QPRT: variants seen among roughly 807,000 people sequenced by gnomAD.
QPRT encodes quinolinate phosphoribosyltransferase.
In QPRT, 17 loss-of-function variants were observed where a neutral mutation model predicts 19.8. The observed-to-expected ratio is 0.86, with a 90% CI of 0.59 to 1.29. The LOEUF (loss-of-function observed/expected upper bound fraction) is 1.29. Among genes scored for constraint, QPRT ranks in the 50% most tolerant of loss-of-function variants. The pLI, the probability that QPRT is intolerant of heterozygous loss-of-function variation, is 0.00. For synonymous variants in QPRT, 178 were observed against 191.0 expected, an observed-to-expected ratio of 0.93 and a Z score of 0.56; for missense variants, 336 against 405.1, an observed-to-expected ratio of 0.83 and a Z score of 1.46.
At chr16:29,681,332 C>G (rs1418671586) in intron 1 of QPRT, among the ~76,000 whole-genome samples, 4 of 151,940 alleles carry the variant, frequency 2.6e-5, no homozygotes, top group East Asian at 3.9e-4. Flanking sequence ...GGGTCTCGAC[C>G]TGATTCCTTC....
chr16:29,689,292 G>A (rs529452291), intron 1 of QPRT, among the ~76,000 whole-genome samples: 121 of 151,008 alleles, frequency 8.0e-4, no homozygotes, highest in Middle Eastern at 7.0e-3. Flanking sequence ...ATGAGGTTTT[G>A]CCATGTTGGA....
chr16:29,684,711 T>A (rs1967111765), intron 1 of QPRT, among the ~76,000 whole-genome samples: 1 of 152,018 alleles, frequency 6.6e-6, no homozygotes, highest in Admixed American at 6.6e-5. Flanking sequence ...ACCATCCACA[T>A]CTCCTGCTGC....
chr16:29,687,903 G>C (rs1407245710), intron 1 of QPRT, among the ~76,000 whole-genome samples: 1 of 151,640 alleles, frequency 6.6e-6, no homozygotes, highest in African/African-American at 2.4e-5. Context: ...GACCACATGA[G>C]CCCGGGAGTT....
chr16:29,692,098 G>C (rs919245227), intron 1 of QPRT, among the ~76,000 whole-genome samples: 4 of 152,210 alleles, frequency 2.6e-5, no homozygotes, highest in Admixed American at 2.0e-4. Flanking sequence ...CCAACTCCAC[G>C]GATGGCGGGG....
At chr16:29,681,898 A>C (rs2142295330) in intron 1 of QPRT, among the ~76,000 whole-genome samples, 1 of 151,712 alleles carries the variant, frequency 6.6e-6, no homozygotes, top group Admixed American at 6.6e-5. Context: ...TGTCCAGCTA[A>C]TTTTGTAGTT....
At chr16:29,695,599 C>T (rs1462110272) in intron 2 of QPRT, among the ~76,000 whole-genome samples, 1 of 148,454 alleles carries the variant, frequency 6.7e-6, no homozygotes, top group Admixed American at 6.8e-5. Context: ...AAGCAATTCT[C>T]CTGCCTCCGC....
At chr16:29,684,614 T>C (rs780906783) in intron 1 of QPRT, among the ~76,000 whole-genome samples, 1 of 152,170 alleles carries the variant, frequency 6.6e-6, no homozygotes, top group Non-Finnish European at 1.5e-5. Context: ...CCCAAAGCGC[T>C]GGGATTACAG....
chr16:29,694,403 G>T (rs1464653005), intron 1 of QPRT, among the ~76,000 whole-genome samples: 1 of 152,096 alleles, frequency 6.6e-6, no homozygotes, highest in Non-Finnish European at 1.5e-5. Flanking sequence ...ACAGGCGTGA[G>T]CCACCGCGCC....
intron 1 of QPRT, among the ~76,000 whole-genome samples, chr16:29,689,937 T>C (rs749173419): frequency 6.6e-6 from 1 of 152,110 alleles, no homozygotes; most frequent in Non-Finnish European, 1.5e-5. Flanking sequence ...AGCCTGCCAA[T>C]GCTCCCAGCT....
chr16:29,693,748 G>C (rs555914359), intron 1 of QPRT, among the ~76,000 whole-genome samples: 1 of 151,558 alleles, frequency 6.6e-6, no homozygotes, highest in South Asian at 2.1e-4. Context: ...CACCACGCCC[G>C]GCTAATTTTT....
rs946783854 is a variant in QPRT at position 29,697,636 on chromosome 16, A to G, written c.*225A>G. On this transcript the variant is annotated 3_prime_UTR_variant, in exon 4 of 4. Transcript: ENST00000395384. The surrounding 1 kb of genome is among the most constrained non-coding windows in gnomAD (Gnocchi z 4.4). The stretch of plus-strand genomic sequence containing the variant: ...AAATGGGTCTAATAAAGGATCAACC[A>G]CATGGGGTTCTGCGGTGATAATGAG... 1.0e-5 allele frequency: 6 copies of G among 572,230 alleles called. No individual in the cohort carries two copies. The Middle Eastern group carries it at 1.4e-3, about 129-fold the overall frequency. 35.4% of individuals were successfully genotyped at this position (572,230 alleles called of 1,614,324 possible).
At chr16:29,681,803 A>G (rs536749830) in intron 1 of QPRT, among the ~76,000 whole-genome samples, 1 of 151,030 alleles carries the variant, frequency 6.6e-6, no homozygotes, top group South Asian at 2.1e-4. Context: ...GCTCACTGCA[A>G]CCTTCACCTC....
intron 1 of QPRT, among the ~76,000 whole-genome samples, chr16:29,682,245 C>G (rs1489862033): frequency 6.6e-6 from 1 of 151,714 alleles, no homozygotes; most frequent in African/African-American, 2.4e-5. Context: ...GCTGTGTTGC[C>G]CAGGCTGGTC....
At chr16:29,679,730 G>A (rs1966935358) in intron 1 of QPRT, among the ~76,000 whole-genome samples, 1 of 152,146 alleles carries the variant, frequency 6.6e-6, no homozygotes, top group African/African-American at 2.4e-5. Context: ...AATGAGAAAA[G>A]ACAAGTTAAG....
At chr16:29,692,415 C>T (rs1053698841) in intron 1 of QPRT, among the ~76,000 whole-genome samples, 31 of 151,842 alleles carry the variant, frequency 2.0e-4, no homozygotes, top group African/African-American at 7.5e-4. Flanking sequence ...CCCGTCTCTA[C>T]TAAAAACACA....
At chr16:29,683,316 A>G (rs533982630) in intron 1 of QPRT, among the ~76,000 whole-genome samples, 69 of 149,388 alleles carry the variant, frequency 4.6e-4, no homozygotes, top group African/African-American at 1.6e-3. Flanking sequence ...AGGTGTGACC[A>G]CCACGCCCAG....
upstream of QPRT, chr16:29,679,056 G>A (rs753053622): frequency 5.5e-6 from 8 of 1,459,250 alleles, no homozygotes; most frequent in East Asian, 2.3e-5. Context: ...GAGGACAGGA[G>A]GGAGGCTTGG....
intron 1 of QPRT, among the ~76,000 whole-genome samples, chr16:29,691,577 C>T (rs1206251930): frequency 2.0e-5 from 3 of 151,940 alleles, no homozygotes; most frequent in Admixed American, 6.6e-5. Context: ...GTCCCAGTTC[C>T]TTGGGAAGCT....
At chr16:29,687,834 A>G (rs1032019916) in intron 1 of QPRT, among the ~76,000 whole-genome samples, 1 of 4,242 alleles carries the variant, frequency 2.4e-4, no homozygotes, top group Non-Finnish European at 3.2e-4. Flanking sequence ...GTCTCTATTA[A>G]AAAAAAAAAA....
Sources: allele counts gnomAD v4.1 joint callset (sites outside exome capture counted in the v4.1 genomes callset), GRCh38; gene constraint gnomAD v4.1.1; non-coding constraint Gnocchi (gnomAD v3.1); transcripts MANE v1.5; gene names NCBI Gene and HGNC (gene_info 2026-07-23, HGNC 2026-07-21).